Variants in FRMD4A observed in about 807,000 individuals in gnomAD.
FRMD4A encodes the protein FERM domain-containing protein 4A.
In FRMD4A, 29 loss-of-function variants were observed where a neutral mutation model predicts 129.1. The observed-to-expected ratio is 0.22, with a 90% CI of 0.17 to 0.31. The LOEUF (loss-of-function observed/expected upper bound fraction) is 0.31, where lower values mean the gene tolerates loss of function less well. FRMD4A is among the 10% of genes least tolerant of loss of function. The pLI, the probability that FRMD4A is intolerant of heterozygous loss-of-function variation, is 1.00. For synonymous variants in FRMD4A, 634 were observed against 571.6 expected (o/e 1.11, Z -1.56); for missense variants, 1,272 against 1,375.8 (o/e 0.92, Z 1.19).
At chr10:13,880,015 T>A (rs1176654282) in intron 2 of FRMD4A, among the ~76,000 whole-genome samples, 12 of 152,032 alleles carry the variant, frequency 7.9e-5, no homozygotes. Context: ...GTCATCATAC[T>A]CAGTTCTGAA....
rs1034041136 is a variant in FRMD4A at position 13,898,396 on chromosome 10, G to A, written c.46-39484C>T. Among the ~76,000 whole-genome samples the A allele has an allele frequency of 5.9e-5, 9 of 152,196 alleles. No homozygotes were observed. In the East Asian group the frequency reaches 1.2e-3, roughly 20 times the overall value. ...AATAAAAAAATAAAAAATTGATAAC[G>A]AGACCACTTCCCTGTTTAGAGGTCC... On this transcript the variant is annotated intron_variant, in intron 2 of 24. Transcript: ENST00000357447.
rs148235321 is a variant in FRMD4A, at chr10:13,743,509, T to C, written c.549-2932A>G. Among the ~76,000 whole-genome samples the C allele has an allele frequency of 7.9e-5, 12 of 152,200 alleles. No homozygotes were observed. The East Asian group carries it at 1.9e-3, about 24-fold the overall frequency. On this transcript the variant is annotated intron_variant, in intron 9 of 24. Coordinates refer to ENST00000357447, the MANE Select transcript of FRMD4A (RefSeq NM_018027.5). ...TGAGTTCAGGAGGTGCAAGTCAACA[T>C]AGCACTGTAGCCATGAACACACAGA...
At chr10:13,986,018 T>C (rs1440883482) in intron 2 of FRMD4A, among the ~76,000 whole-genome samples, 2 of 152,182 alleles carry the variant, frequency 1.3e-5, no homozygotes, top group African/African-American at 2.4e-5. Flanking sequence ...ATCTCTTTTG[T>C]CTAGAACTGA....
intron 2 of FRMD4A, among the ~76,000 whole-genome samples, chr10:14,308,305 G>A (rs999297322): frequency 3.3e-5 from 5 of 152,192 alleles, no homozygotes; most frequent in Non-Finnish European, 5.9e-5. Context: ...AAGTGAAGGG[G>A]AAGAAATGTG....
chr10:13,675,086 A>T, intron 15 of FRMD4A, 42 bp from the exon 16 acceptor site: 1 of 1,580,478 alleles, frequency 6.3e-7, no homozygotes, highest in South Asian at 1.1e-5. Context: ...CTGACAGGGG[A>T]CACACATCTG....
At chr10:13,790,548 C>T (rs1162267453) in intron 5 of FRMD4A, among the ~76,000 whole-genome samples, 3 of 152,000 alleles carry the variant, frequency 2.0e-5, no homozygotes, top group African/African-American at 7.3e-5. Flanking sequence ...ACAGAGGGGA[C>T]AAAGAGGAGG....
intron 2 of FRMD4A, among the ~76,000 whole-genome samples, chr10:14,198,906 G>A (rs927767175): frequency 4.6e-5 from 7 of 152,186 alleles, no homozygotes; most frequent in Non-Finnish European, 8.8e-5. Context: ...GAGCTATTGT[G>A]AGGTTTAAAT....
intron 2 of FRMD4A, among the ~76,000 whole-genome samples, chr10:14,172,754 T>C (rs949575981): frequency 6.6e-6 from 1 of 152,192 alleles, no homozygotes; most frequent in Non-Finnish European, 1.5e-5. Flanking sequence ...GATTGAAGTG[T>C]ACTGCCTGTA....
chr10:13,897,133 A>T lies in FRMD4A; in HGVS notation c.46-38221T>A, dbSNP rs536716504. Among the ~76,000 whole-genome samples, 4 of 152,316 alleles carry T rather than the reference A, an allele frequency of 2.6e-5. No individual in the cohort carries two copies. The South Asian group carries it at 8.3e-4, about 32-fold the overall frequency. ...AGTGCTGCTTCGCTGACCAGCCCTA[A>T]CATGTAGTTGTGATTAAATAATTTA... On this transcript the variant is annotated intron_variant, in intron 2 of 24. Transcript: ENST00000357447.
chr10:14,316,619 G>A (rs1225649008), intron 2 of FRMD4A, among the ~76,000 whole-genome samples: 1 of 151,904 alleles, frequency 6.6e-6, no homozygotes, highest in East Asian at 1.9e-4. Context: ...CCTCTCAGAA[G>A]GAAAGAAAGA....
rs762421815 is a variant in FRMD4A, at chr10:14,220,805, TGTGTGTTTG to T, written c.45+109244_45+109252del. On this transcript the variant is annotated intron_variant, in intron 2 of 24. Coordinates refer to ENST00000357447, the MANE Select transcript of FRMD4A (RefSeq NM_018027.5). Reference sequence around the variant, plus strand: ...TTGCGTGTGTGTGTGTGTGTGTGTGTGTGTGTTTGTGTGTGTGTGTGTGTGTGTGTGTGT... The same window carrying T: ...TTGCGTGTGTGTGTGTGTGTGTGTGTTGTGTGTGTGTGTGTGTGTGTGTGT... Among the ~76,000 whole-genome samples the T allele has an allele frequency of 6.7e-3, 695 of 104,332 alleles. 16 individuals carry two copies. The highest frequency in any genetic ancestry group is 0.048 in the Admixed American group (471 of 9,898). The allele number at this position is 104,332 out of a possible 152,430, so 68.4% of individuals were successfully genotyped here.
At chr10:14,145,274 T>A (rs1166368780) in intron 2 of FRMD4A, among the ~76,000 whole-genome samples, 2 of 152,124 alleles carry the variant, frequency 1.3e-5, no homozygotes, top group Admixed American at 1.3e-4. Flanking sequence ...TTTGGAAGAG[T>A]CACTTAATTA....
At chr10:14,060,934 C>T (rs1313272454) in intron 2 of FRMD4A, among the ~76,000 whole-genome samples, 2 of 152,106 alleles carry the variant, frequency 1.3e-5, no homozygotes, top group Non-Finnish European at 2.9e-5. Context: ...TAGACTGACT[C>T]ACTAGTGGAA....
chr10:13,801,272 C>CA lies in FRMD4A; in HGVS notation c.207-4685dup, dbSNP rs546854127. Among the ~76,000 whole-genome samples, 1,244 of 147,362 alleles carry CA rather than the reference C, an allele frequency of 8.4e-3. 14 individuals are homozygous for CA. The highest frequency in any genetic ancestry group is 0.028 in the African/African-American group (1,133 of 40,296). On this transcript the variant is annotated intron_variant, in intron 4 of 24. Transcript: ENST00000357447. ...CTGACAACAGAGTGGGGCCCTGTCT[C>CA]AAAAAAAAAATGGTCAGGAAGCAAA...
intron 2 of FRMD4A, among the ~76,000 whole-genome samples, chr10:13,940,361 A>G (rs1198324972): frequency 6.6e-6 from 1 of 152,090 alleles, no homozygotes; most frequent in African/African-American, 2.4e-5. Context: ...CAACTGTTGC[A>G]GTGTAAGGGG....
chr10:13,814,618 G>A (rs1327800582), intron 3 of FRMD4A, among the ~76,000 whole-genome samples: 17 of 130,888 alleles, frequency 1.3e-4, no homozygotes, highest in Admixed American at 3.1e-4. Flanking sequence ...GAAAGAAAGG[G>A]AAAGAGAGAG....
rs755644994 is a variant in FRMD4A at position 14,329,982 on chromosome 10, C to T, written c.45+76G>A. 19 of 1,332,656 alleles carry T rather than the reference C, an allele frequency of 1.4e-5. No homozygotes were observed. The East Asian group carries it at 2.5e-4, about 18-fold the overall frequency. 82.6% of individuals were successfully genotyped at this position (1,332,656 alleles called of 1,614,324 possible). A position where few individuals can be genotyped will look rare whatever the true frequency, so the allele number is the denominator to read the frequency against. On this transcript the variant is annotated intron_variant, in intron 2 of 24. Transcript: ENST00000357447. ...TTGAACATGTCTGCAGCCACTGCAGCGGCAGCAGCAGCCCACGGTGCAGGG... is the reference window on the plus strand; with the variant it reads ...TTGAACATGTCTGCAGCCACTGCAGTGGCAGCAGCAGCCCACGGTGCAGGG...
At chr10:13,670,376 A>G in intron 17 of FRMD4A, 30 bp downstream of exon 17, 1 of 1,608,554 alleles carries the variant, frequency 6.2e-7, no homozygotes, top group Admixed American at 1.7e-5. Flanking sequence ...ATAACATGAG[A>G]GAATCCAACA....
At chr10:13,780,572 G>A (rs1024965047) in intron 6 of FRMD4A, among the ~76,000 whole-genome samples, 3 of 152,084 alleles carry the variant, frequency 2.0e-5, no homozygotes, top group Admixed American at 1.3e-4. Flanking sequence ...AACAGCATGC[G>A]GACATATGCT....
Sources: gnomAD v4.1 joint callset for allele counts (sites outside exome capture counted in the v4.1 genomes callset) on GRCh38, gnomAD v4.1.1 for gene constraint, MANE v1.5 for transcripts, NCBI Gene and HGNC (gene_info 2026-07-23, HGNC 2026-07-21) for gene names.